The following GPC6 variants were observed in gnomAD, a reference collection of about 807,000 sequenced individuals.
The protein encoded by GPC6 is glypican-6.
GPC6 carries 14 observed loss-of-function variants against 55.2 expected under a neutral mutation model. The ratio of observed to expected loss-of-function variants is 0.25; its 90% confidence interval spans 0.17 to 0.40. The LOEUF is 0.40. Ranked by LOEUF, GPC6 falls within the 10% of genes least tolerant of loss-of-function variation. The pLI, the probability that GPC6 is intolerant of heterozygous loss-of-function variation, is 1.00. For synonymous variants in GPC6, 278 were observed against 259.6 expected (o/e 1.07, Z -0.68); for missense variants, 641 against 708.5 (o/e 0.90, Z 1.08).
intron 1 of GPC6, among the ~76,000 whole-genome samples, chr13:93,451,346 G>A (rs944384846): frequency 6.6e-6 from 1 of 152,192 alleles, no homozygotes; most frequent in Non-Finnish European, 1.5e-5. Context: ...TCATTTAGAT[G>A]TTGTATTAAA....
intron 2 of GPC6, among the ~76,000 whole-genome samples, chr13:93,662,455 C>T (rs976835659): frequency 5.9e-5 from 9 of 151,988 alleles, no homozygotes; most frequent in African/African-American, 2.2e-4. Flanking sequence ...CATGGTGAAA[C>T]CCTGTCTCTA....
At chr13:93,931,765 G>GAAAAAA (rs545578327) in intron 3 of GPC6, among the ~76,000 whole-genome samples, 4 of 49,668 alleles carry the variant, frequency 8.1e-5, no homozygotes, top group African/African-American at 1.4e-4. Flanking sequence ...CTCTGTCTCA[G>GAAAAAA]AAAAAAAAAA....
intron 1 of GPC6, among the ~76,000 whole-genome samples, chr13:93,341,210 A>G (rs916203073): frequency 2.0e-5 from 3 of 152,214 alleles, no homozygotes; most frequent in Admixed American, 2.0e-4. Flanking sequence ...TGTGCTATAA[A>G]CATATGTGTG....
At chr13:93,383,822 T>C (rs1459355553) in intron 1 of GPC6, among the ~76,000 whole-genome samples, 1 of 152,160 alleles carries the variant, frequency 6.6e-6, no homozygotes, top group Non-Finnish European at 1.5e-5. Context: ...GGAAGTCTAT[T>C]TAATTGTGCT....
chr13:93,397,852 T>C (rs900994874), intron 1 of GPC6, among the ~76,000 whole-genome samples: 1 of 152,138 alleles, frequency 6.6e-6, no homozygotes, highest in East Asian at 1.9e-4. Flanking sequence ...TATAATTATA[T>C]GGTATTTTAT....
chr13:93,534,668 C>A (rs1299492237), intron 1 of GPC6, among the ~76,000 whole-genome samples: 1 of 152,182 alleles, frequency 6.6e-6, no homozygotes, highest in Non-Finnish European at 1.5e-5. Context: ...TCTGGGCAAG[C>A]ATTTGGGAAA....
chr13:93,649,429 GAC>G (rs1169427754), intron 2 of GPC6, among the ~76,000 whole-genome samples: 1 of 152,130 alleles, frequency 6.6e-6, no homozygotes. Context: ...CAGCCTGAGC[GAC>G]AGAGTGAGAC....
intron 4 of GPC6, among the ~76,000 whole-genome samples, chr13:94,148,543 T>C (rs916261306): frequency 2.0e-5 from 3 of 152,212 alleles, no homozygotes; most frequent in Non-Finnish European, 2.9e-5. Flanking sequence ...ACAACTGCAA[T>C]TTAATTTAAC....
At chr13:93,482,643 A>T (rs1459719338) in intron 1 of GPC6, among the ~76,000 whole-genome samples, 1 of 152,184 alleles carries the variant, frequency 6.6e-6, no homozygotes, top group Non-Finnish European at 1.5e-5. Flanking sequence ...TTGCTCAGGA[A>T]TAGAAGGCAA....
chr13:93,852,854 G>C (rs956508117), intron 3 of GPC6, among the ~76,000 whole-genome samples: 169 of 151,650 alleles, frequency 1.1e-3, no homozygotes, highest in Non-Finnish European at 2.0e-3. Context: ...TTATTGGCTA[G>C]TATCATTCCC....
chr13:93,436,187 C>T (rs1435245965), intron 1 of GPC6, among the ~76,000 whole-genome samples: 3 of 152,022 alleles, frequency 2.0e-5, no homozygotes, highest in Admixed American at 2.0e-4. Context: ...ATCATGGAAA[C>T]CTACTTGAAA....
chr13:93,268,563 A>G (rs550825622), intron 1 of GPC6, among the ~76,000 whole-genome samples: 1 of 152,154 alleles, frequency 6.6e-6, no homozygotes, highest in African/African-American at 2.4e-5. Context: ...CTTGCTACGT[A>G]AAGACCAATT....
At chr13:93,768,079 G>A (rs946435282) in intron 2 of GPC6, among the ~76,000 whole-genome samples, 1 of 152,090 alleles carries the variant, frequency 6.6e-6, no homozygotes, top group African/African-American at 2.4e-5. Flanking sequence ...GATCTAGGTG[G>A]AATTTTATTA....
At chr13:94,114,419 G>A (rs1039727872) in intron 4 of GPC6, among the ~76,000 whole-genome samples, 17 of 152,078 alleles carry the variant, frequency 1.1e-4, no homozygotes, top group African/African-American at 2.4e-4. Context: ...GGAAGCAGGC[G>A]GGGGTATATT....
At chr13:93,499,610 T>C (rs542671015) in intron 1 of GPC6, among the ~76,000 whole-genome samples, 3 of 152,312 alleles carry the variant, frequency 2.0e-5, no homozygotes, top group South Asian at 4.1e-4. Context: ...CTCCTGCATG[T>C]GGGAGGAGTG....
At chr13:93,246,028 C>T (rs1288805196) in intron 1 of GPC6, among the ~76,000 whole-genome samples, 1 of 152,156 alleles carries the variant, frequency 6.6e-6, no homozygotes, top group Non-Finnish European at 1.5e-5. Context: ...CTGTTGGTAC[C>T]TATGACTCTT....
At chr13:93,882,498 C>T (rs1203991126) in intron 3 of GPC6, among the ~76,000 whole-genome samples, 1 of 152,028 alleles carries the variant, frequency 6.6e-6, no homozygotes. Context: ...TTATATCATA[C>T]ATTAGTAACA....
At chr13:94,306,162 G>C (rs754458956) in intron 6 of GPC6, 39 bp downstream of exon 6, 32 of 1,611,796 alleles carry the variant, frequency 2.0e-5, no homozygotes, top group Middle Eastern at 3.3e-4. Flanking sequence ...CGGATGCTTT[G>C]TTTTACCAAG....
At chr13:94,037,385 T>C (rs1883376620) in intron 4 of GPC6, among the ~76,000 whole-genome samples, 1 of 151,974 alleles carries the variant, frequency 6.6e-6, no homozygotes, top group African/African-American at 2.4e-5. Flanking sequence ...AAATGTGTCT[T>C]GCTACTCACT....
Sources: gnomAD v4.1 joint callset for allele counts (sites outside exome capture counted in the v4.1 genomes callset) on GRCh38, gnomAD v4.1.1 for gene constraint, MANE v1.5 for transcripts, NCBI Gene and HGNC (gene_info 2026-07-23, HGNC 2026-07-21) for gene names.